RBPJ: variants seen among roughly 807,000 people sequenced by gnomAD.
RBPJ encodes recombining binding protein suppressor of hairless.
Under a neutral mutation model 67.8 loss-of-function variants are expected in RBPJ, and 9 were observed. The ratio of observed to expected loss-of-function variants is 0.13; its 90% confidence interval spans 0.08 to 0.23. RBPJ has a LOEUF of 0.23. Ranked by LOEUF, RBPJ falls within the 10% of genes least tolerant of loss-of-function variation. The pLI, the probability that RBPJ is intolerant of heterozygous loss-of-function variation, is 1.00. For synonymous variants in RBPJ, 198 were observed against 203.3 expected (o/e 0.97, Z 0.22); for missense variants, 305 against 595.6 (o/e 0.51, Z 5.08).
At chr4:26,178,582 T>C (rs1390158746) in intron 1 of RBPJ, among the ~76,000 whole-genome samples, 1 of 125,760 alleles carries the variant, frequency 8.0e-6, no homozygotes, top group Non-Finnish European at 1.6e-5. Flanking sequence ...CACTTCAGCC[T>C]GGGTGACAGA....
At chr4:26,277,880 C>T (rs530799850) in intron 1 of RBPJ, among the ~76,000 whole-genome samples, 63 of 152,266 alleles carry the variant, frequency 4.1e-4, no homozygotes, top group African/African-American at 1.4e-3. Flanking sequence ...TTAAAATATT[C>T]GATTCAGTGT....
At chr4:26,214,718 A>AGG in intron 1 of RBPJ, among the ~76,000 whole-genome samples, 1 of 96,572 alleles carries the variant, frequency 1.0e-5, no homozygotes, top group Non-Finnish European at 2.4e-5. Flanking sequence ...GGAAGGAGAG[A>AGG]GAGAGAAAGA....
Position 26,332,359 on chromosome 4 carries a change from ACAG to A in RBPJ, c.20+11315_20+11317del, listed in dbSNP as rs148624464. ...ATTTACTGACATGTCATTTACTTAA[ACAG>A]CAGTTTCTTAGGTACCCTAAGTCCT... On this transcript the variant is annotated intron_variant, in intron 1 of 10. Transcript: ENST00000355476. Among the ~76,000 whole-genome samples, 877 of 152,314 alleles carry A rather than the reference ACAG, an allele frequency of 5.8e-3. 7 individuals are homozygous for A. Among genetic ancestry groups the A allele is most frequent in the African/African-American group, 0.02 (825 of 41,572 alleles).
rs1162423150 is a variant in RBPJ, at chr4:26,424,669, C to T, written c.673C>T (p.Arg225Ter). The change falls in exon 7 of 11, where the codon CGA becomes TGA. Residue 225 changes from arginine (R) to a stop codon, truncating the protein, a stop_gained. Coordinates refer to ENST00000355476, the MANE Select transcript of RBPJ (RefSeq NM_015874.6). LOFTEE classifies it high-confidence loss of function. This position sits in a 1 kb window ranked among gnomAD's most constrained non-coding sequence, Gnocchi z 5.3. ...ATCAGAAGGAGAAGAATTCACAGTC[C>T]GAGATGGCTACATCCATTATGGACA... The part of the protein sequence containing the change: ...DESEGEEFTV[R>*]DGYIHYGQTV... 6.2e-7 allele frequency: 1 copy of T among 1,613,546 alleles called. No individual in the cohort carries two copies. Among genetic ancestry groups the T allele is most frequent in the Non-Finnish European group, 8.5e-7 (1 of 1,179,644 alleles).
chr4:26,109,623 CCTCTCTCTCTCTCTCTCTGTCT>C, the RBPJ span, among the ~76,000 whole-genome samples: 2 of 20,796 alleles, frequency 9.6e-5, no homozygotes, highest in African/African-American at 6.5e-4. Context: ...TGTCCACCTT[CCTCTCTCTCTCTCTCTCTGTCT>C]CTCTCTCTCT....
chr4:26,149,912 G>T, the RBPJ span, among the ~76,000 whole-genome samples: 2 of 152,160 alleles, frequency 1.3e-5, no homozygotes, highest in African/African-American at 4.8e-5. Context: ...TCCAGTGTCA[G>T]CTATGCCCCA....
the RBPJ span, among the ~76,000 whole-genome samples, chr4:26,150,734 C>T: frequency 3.3e-5 from 5 of 152,116 alleles, no homozygotes; most frequent in Non-Finnish European, 5.9e-5. Flanking sequence ...CAGTGATGGA[C>T]ACAGAACACA....
the RBPJ span, among the ~76,000 whole-genome samples, chr4:26,137,425 C>A: frequency 1.3e-5 from 2 of 152,160 alleles, no homozygotes; most frequent in Non-Finnish European, 2.9e-5. Flanking sequence ...CTAAACAAAT[C>A]CATCATCAGG....
In RBPJ at chr4:26,434,202, G is replaced by A. The variant is rs934260651; in HGVS notation, c.*3195G>A. 7 of 152,164 alleles carry A rather than the reference G, an allele frequency of 4.6e-5. No homozygotes were observed. The highest frequency in any genetic ancestry group is 1.9e-4 in the East Asian group (1 of 5,198). 9.4% of individuals were successfully genotyped at this position (152,164 alleles called of 1,614,324 possible). Reference sequence around the variant, plus strand: ...AGGCATGTTTATACATGACTTAATCGTGAAATGTTTGTCACTCTTACTGCA... The same window carrying A: ...AGGCATGTTTATACATGACTTAATCATGAAATGTTTGTCACTCTTACTGCA... On this transcript the variant is annotated 3_prime_UTR_variant, in exon 11 of 11. Transcript: ENST00000355476.
At chr4:26,291,978 G>T (rs1002358548) in intron 1 of RBPJ, among the ~76,000 whole-genome samples, 1 of 150,752 alleles carries the variant, frequency 6.6e-6, no homozygotes, top group African/African-American at 2.4e-5. Context: ...TGTACAATGT[G>T]ACGATTTGAT....
At chr4:26,292,411 T>TA (rs1266385811) in intron 1 of RBPJ, among the ~76,000 whole-genome samples, 3 of 150,380 alleles carry the variant, frequency 2.0e-5, no homozygotes, top group African/African-American at 4.9e-5. Flanking sequence ...ACTTTTTTTT[T>TA]ATGACTGAAT....
At chr4:26,337,495 A>G (rs976758627) in intron 1 of RBPJ, among the ~76,000 whole-genome samples, 2 of 149,438 alleles carry the variant, frequency 1.3e-5, no homozygotes, top group African/African-American at 4.9e-5. Context: ...GTGGCTCCCC[A>G]TGCTTACTGG....
chr4:26,303,292 T>G (rs1420765789), intron 1 of RBPJ, among the ~76,000 whole-genome samples: 1 of 147,312 alleles, frequency 6.8e-6, no homozygotes, highest in Non-Finnish European at 1.5e-5. Flanking sequence ...TATATATATA[T>G]ATAATCTTTA....
chr4:26,176,092 T>C (rs896804624), intron 1 of RBPJ, among the ~76,000 whole-genome samples: 4 of 152,198 alleles, frequency 2.6e-5, no homozygotes, highest in African/African-American at 9.6e-5. Flanking sequence ...CAACAAATAA[T>C]TTTTTAGTGT....
chr4:26,350,155 T>C (rs1726649074), intron 1 of RBPJ, among the ~76,000 whole-genome samples: 1 of 152,220 alleles, frequency 6.6e-6, no homozygotes, highest in South Asian at 2.1e-4. Context: ...GTAGATACTT[T>C]CTTACAAATT....
At chr4:26,181,634 C>T (rs1716999336) in intron 1 of RBPJ, among the ~76,000 whole-genome samples, 1 of 152,186 alleles carries the variant, frequency 6.6e-6, no homozygotes, top group Admixed American at 6.5e-5. Flanking sequence ...TACCACCCAC[C>T]TAGGCTATAT....
rs564265519 is a variant in RBPJ at position 26,255,267 on chromosome 4, G to A, written c.-167+91653G>A. 3.7e-5 allele frequency among the ~76,000 whole-genome samples: 5 copies of A among 136,146 alleles called. 1 individual carries two copies. Among genetic ancestry groups the A allele is most frequent in the South Asian group, 2.3e-4 (1 of 4,344 alleles). The allele number at this position is 136,146 out of a possible 152,430, so 89.3% of individuals were successfully genotyped here. A position where few individuals can be genotyped will look rare whatever the true frequency, so the allele number is the denominator to read the frequency against. On this transcript the variant is annotated intron_variant, in intron 1 of 4. Transcript: ENST00000512351. ...AAAATACAAAAAATGAGCCGGGCGT[G>A]GTGGCGGGCGCCTGTAGTCCCAGCT...
At chr4:26,232,026 G>T (rs1397304264) in intron 1 of RBPJ, among the ~76,000 whole-genome samples, 1 of 151,372 alleles carries the variant, frequency 6.6e-6, no homozygotes, top group East Asian at 2.0e-4. Context: ...CAAGTATCTG[G>T]GACTACAGGC....
At chr4:26,406,309 C>A (rs371104244) in intron 3 of RBPJ, 39 bp downstream of exon 3, 2 of 1,360,196 alleles carry the variant, frequency 1.5e-6, no homozygotes, top group Non-Finnish European at 2.1e-6. Context: ...ATTGTAGTTA[C>A]CACATGAATT....
Sources: allele counts gnomAD v4.1 joint callset (sites outside exome capture counted in the v4.1 genomes callset), GRCh38; gene constraint gnomAD v4.1.1; non-coding constraint Gnocchi (gnomAD v3.1); transcripts MANE v1.5; gene names NCBI Gene and HGNC (gene_info 2026-07-23, HGNC 2026-07-21).